OVCH1: variants seen among roughly 807,000 people sequenced by gnomAD.
OVCH1 encodes ovochymase 1.
Under a neutral mutation model 138.4 loss-of-function variants are expected in OVCH1, and 139 were observed. The observed-to-expected ratio is 1.00, with a 90% CI of 0.87 to 1.16. The LOEUF is 1.16. Among genes scored for constraint, OVCH1 ranks in the 50% most tolerant of loss-of-function variants. The pLI is 0.00. For synonymous variants in OVCH1, 453 were observed against 467.8 expected (o/e 0.97, Z 0.41); for missense variants, 1,367 against 1,357.9 (o/e 1.01, Z -0.11).
intron 15 of OVCH1, among the ~76,000 whole-genome samples, chr12:29,472,367 G>T (rs900561758): frequency 1.3e-5 from 2 of 152,118 alleles, no homozygotes; most frequent in Non-Finnish European, 2.9e-5. Flanking sequence ...GAGTACATAA[G>T]GTTCTTCATT....
chr12:29,421,858 A>G (rs916741602), intron 3 of OVCH1, among the ~76,000 whole-genome samples: 2 of 152,262 alleles, frequency 1.3e-5, no homozygotes, highest in South Asian at 2.1e-4. Context: ...GGAGATTTCT[A>G]TTTCATACCA....
chr12:29,413,687 C>CACACACAT (rs1940993100), intron 3 of OVCH1, among the ~76,000 whole-genome samples: 2 of 151,872 alleles, frequency 1.3e-5, no homozygotes, highest in Non-Finnish European at 1.5e-5. Context: ...CACACACACA[C>CACACACAT]ACATTGGTTT....
chr12:29,487,904 GAA>G (rs1293414145), intron 6 of OVCH1, 22 bp from the exon 7 acceptor site: 1 of 1,577,946 alleles, frequency 6.3e-7, no homozygotes, highest in Non-Finnish European at 8.6e-7. Context: ...CAAAAAAAGA[GAA>G]AATTTGAAAA....
At chr12:29,405,821 C>T in the OVCH1 span, among the ~76,000 whole-genome samples, 2 of 152,146 alleles carry the variant, frequency 1.3e-5, no homozygotes, top group Admixed American at 1.3e-4. Flanking sequence ...TCATTGTGAT[C>T]TCATTCTTTT....
intron 1 of OVCH1, among the ~76,000 whole-genome samples, chr12:29,496,918 G>A (rs527747893): frequency 6.6e-6 from 1 of 152,296 alleles, no homozygotes. Flanking sequence ...AGGAGCCAGC[G>A]CTGCCTCTGG....
At chr12:29,476,359 G>T in intron 12 of OVCH1, 60 bp from the exon 13 acceptor site, 2 of 1,375,962 alleles carry the variant, frequency 1.5e-6, no homozygotes, top group Non-Finnish European at 2.1e-6. Context: ...GAAGCTTAAA[G>T]GGTTTTCCTC....
intron 16 of OVCH1, among the ~76,000 whole-genome samples, chr12:29,469,343 C>G (rs945738206): frequency 3.3e-5 from 5 of 152,034 alleles, no homozygotes; most frequent in Admixed American, 6.6e-5. Context: ...GTCAGACAAA[C>G]TAAACTGAGG....
intron 22 of OVCH1, among the ~76,000 whole-genome samples, chr12:29,446,260 G>C (rs1363368738): frequency 2.0e-5 from 3 of 152,060 alleles, no homozygotes; most frequent in Admixed American, 1.3e-4. Context: ...TACTTGTAGG[G>C]ATGAAAGGAA....
intron 3 of OVCH1, among the ~76,000 whole-genome samples, chr12:29,419,453 A>T (rs567736660): frequency 0.089 from 501 of 5,624 alleles, 2 homozygotes; most frequent in Middle Eastern, 0.32. Context: ...ATGCCCGGCT[A>T]ATTTTTTTTT....
intron 3 of OVCH1, among the ~76,000 whole-genome samples, chr12:29,422,258 G>A (rs750098423): frequency 8.5e-5 from 13 of 152,276 alleles, no homozygotes; most frequent in Admixed American, 3.3e-4. Flanking sequence ...GGTCAATTTA[G>A]AGATGAAATA....
intron 5 of OVCH1, among the ~76,000 whole-genome samples, chr12:29,490,772 A>G (rs1039642143): frequency 3.3e-5 from 5 of 152,116 alleles, no homozygotes; most frequent in African/African-American, 1.2e-4. Flanking sequence ...TGACTTTTCA[A>G]AAAAGTCACA....
intron 8 of OVCH1, among the ~76,000 whole-genome samples, chr12:29,485,949 TAAATAAAATA>T (rs1262696941): frequency 9.0e-5 from 12 of 133,436 alleles, no homozygotes; most frequent in Non-Finnish European, 1.4e-4. Flanking sequence ...CATCTCAAAA[TAAATAAAATA>T]AAATAAAATA....
chr12:29,402,680 G>GA, the OVCH1 span, among the ~76,000 whole-genome samples: 11 of 150,604 alleles, frequency 7.3e-5, no homozygotes, highest in African/African-American at 2.4e-4. Context: ...GTTGTTAATT[G>GA]AAAAAAAAGT....
intron 3 of OVCH1, among the ~76,000 whole-genome samples, chr12:29,415,653 AAAG>A (rs759336658): frequency 1.3e-5 from 2 of 152,210 alleles, no homozygotes; most frequent in Non-Finnish European, 2.9e-5. Flanking sequence ...GATGGAAATC[AAAG>A]AAGATCTAAA....
intron 15 of OVCH1, among the ~76,000 whole-genome samples, chr12:29,472,385 C>T (rs554629471): frequency 6.6e-6 from 1 of 152,254 alleles, no homozygotes; most frequent in South Asian, 2.1e-4. Flanking sequence ...ATTATATCTT[C>T]TTGTTTTAGT....
intron 27 of OVCH1, among the ~76,000 whole-genome samples, chr12:29,432,439 G>A (rs1941285922): frequency 6.6e-6 from 1 of 152,152 alleles, no homozygotes; most frequent in Non-Finnish European, 1.5e-5. Context: ...AATGGCCTGA[G>A]TAATTAATTA....
chr12:29,450,932 C>G (rs1020616467), intron 22 of OVCH1, among the ~76,000 whole-genome samples: 1 of 150,712 alleles, frequency 6.6e-6, no homozygotes, highest in Non-Finnish European at 1.5e-5. Flanking sequence ...AACCAAACAC[C>G]GCATGTTCTC....
At chr12:29,454,450 C>CA (rs1300987795) in intron 21 of OVCH1, among the ~76,000 whole-genome samples, 3 of 152,104 alleles carry the variant, frequency 2.0e-5, no homozygotes, top group Non-Finnish European at 4.4e-5. Flanking sequence ...CAGAGAGTGG[C>CA]AACTGTGGAA....
intron 8 of OVCH1, among the ~76,000 whole-genome samples, chr12:29,481,421 C>A (rs1008790756): frequency 3.3e-5 from 5 of 152,104 alleles, no homozygotes; most frequent in African/African-American, 1.2e-4. Flanking sequence ...TTATTAATCT[C>A]TGGTTGACTC....
Sources: allele counts gnomAD v4.1 joint callset (sites outside exome capture counted in the v4.1 genomes callset), GRCh38; gene constraint gnomAD v4.1.1; transcripts MANE v1.5; gene names NCBI Gene and HGNC (gene_info 2026-07-23, HGNC 2026-07-21).